TICAM1: variants seen among roughly 807,000 people sequenced by gnomAD.
The protein encoded by TICAM1 is TIR domain-containing adapter molecule 1.
For synonymous variants in TICAM1, 439 were observed against 415.4 expected (o/e 1.06, Z -0.69); for missense variants, 895 against 938.2 (o/e 0.95, Z 0.60).
In TICAM1 at chr19:4,818,050, G is replaced by C. The variant is rs2093590646; in HGVS notation, c.328C>G (p.Pro110Ala). 1 of 1,608,406 alleles carries C rather than the reference G, an allele frequency of 6.2e-7. No homozygotes were observed. The highest frequency in any genetic ancestry group is 8.5e-7 in the Non-Finnish European group (1 of 1,179,902). The change falls in exon 2 of 2, where the codon CCC becomes GCC. Residue 110 changes from proline (P) to alanine (A), a missense_variant. Coordinates refer to ENST00000248244, the MANE Select transcript of TICAM1 (RefSeq NM_182919.4). The surrounding 1 kb of genome is among the most constrained non-coding windows in gnomAD (Gnocchi z 4.0). ...YHLLAEEKLC[P>A]ASLRDVAYQE... Reference sequence around the variant, plus strand: ...TAGGCCACGTCCCGCAGCGAGGCGGGGCACAGCTTCTCCTCAGCCAGCAGG... The same window carrying C: ...TAGGCCACGTCCCGCAGCGAGGCGGCGCACAGCTTCTCCTCAGCCAGCAGG...
At chr19:4,830,393 T>C (rs1039483977) in intron 1 of TICAM1, among the ~76,000 whole-genome samples, 8 of 152,136 alleles carry the variant, frequency 5.3e-5, no homozygotes, top group African/African-American at 1.9e-4. Context: ...TCTTTTTGAA[T>C]TTTTTTGTAG....
chr19:4,830,213 G>A (rs112209868), intron 1 of TICAM1, among the ~76,000 whole-genome samples: 59 of 151,204 alleles, frequency 3.9e-4, no homozygotes, highest in African/African-American at 1.1e-3. Flanking sequence ...TCAGCCTCCC[G>A]AGTAGCTGGG....
chr19:4,824,575 C>A (rs2093602830), intron 1 of TICAM1, among the ~76,000 whole-genome samples: 1 of 150,374 alleles, frequency 6.7e-6, no homozygotes, highest in Admixed American at 6.6e-5. Context: ...CCTCAGATGA[C>A]CCACCTGCCT....
At chr19:4,826,702 C>T (rs1178905198) in intron 1 of TICAM1, among the ~76,000 whole-genome samples, 2 of 152,128 alleles carry the variant, frequency 1.3e-5, no homozygotes, top group South Asian at 2.1e-4. Context: ...AGTATGGCCC[C>T]TTTTTGACAC....
Position 4,816,853 on chromosome 19 carries a change from C to G in TICAM1, c.1525G>C (p.Gly509Arg). 6.2e-7 allele frequency: 1 copy of G among 1,612,638 alleles called. No individual in the cohort carries two copies. Among genetic ancestry groups the G allele is most frequent in the Non-Finnish European group, 8.5e-7 (1 of 1,180,028 alleles). Residue 509 changes from glycine (G) to arginine (R), a missense_variant, in exon 2 of 2, where the codon GGG becomes CGG. Coordinates refer to ENST00000248244, the MANE Select transcript of TICAM1 (RefSeq NM_182919.4). This position sits in a 1 kb window ranked among gnomAD's most constrained non-coding sequence, Gnocchi z 4.3. ...GAGTGTTCGTCCAGCCGCACCAGCC[C>G]GGAGAGCAGGCTGGCCGTGTCGGAG... ...LSSDTASLLS[G>R]LVRLDEHSQI... is the part of the protein sequence containing the mutation.
In TICAM1 at chr19:4,818,473, A is replaced by C. The variant is rs2093591857; in HGVS notation, c.-96T>G. On this transcript the variant is annotated 5_prime_UTR_variant, in exon 2 of 2. Coordinates refer to ENST00000248244, the MANE Select transcript of TICAM1 (RefSeq NM_182919.4). The surrounding 1 kb of genome is among the most constrained non-coding windows in gnomAD (Gnocchi z 4.0). ...GCCTTCTGCACGCCCAGTGTCCCCT[A>C]CCCATTCACTGTTCCAGGTTCTGCA... The C allele has an allele frequency of 6.9e-7, 1 of 1,456,164 alleles. No individual in the cohort carries two copies. Among genetic ancestry groups the C allele is most frequent in the Admixed American group, 2.8e-5 (1 of 35,420 alleles). 90.2% of individuals were successfully genotyped at this position (1,456,164 alleles called of 1,614,324 possible).
chr19:4,823,708 G>C (rs748562661), intron 1 of TICAM1, among the ~76,000 whole-genome samples: 16 of 152,116 alleles, frequency 1.1e-4, no homozygotes, highest in Non-Finnish European at 1.8e-4. Flanking sequence ...GATGTGAGGA[G>C]ACCCAGGGAG....
At chr19:4,825,436 C>T (rs958707671) in intron 1 of TICAM1, among the ~76,000 whole-genome samples, 1 of 152,036 alleles carries the variant, frequency 6.6e-6, no homozygotes, top group Non-Finnish European at 1.5e-5. Context: ...GACTGGGTCT[C>T]CCCATGTTGC....
Position 4,815,992 on chromosome 19 carries a change from C to T in TICAM1, c.*247G>A, listed in dbSNP as rs565256858. On this transcript the variant is annotated 3_prime_UTR_variant, in exon 2 of 2. Coordinates refer to ENST00000248244, the MANE Select transcript of TICAM1 (RefSeq NM_182919.4). ...GTAGCAATACCCCCACCACCAAGAC[C>T]CTTCACCCAGAAATAGAGAGATTGG... 1.9e-5 allele frequency: 8 copies of T among 416,626 alleles called. No homozygotes were observed. The South Asian group carries it at 6.5e-4, about 34-fold the overall frequency. The allele number at this position is 416,626 out of a possible 1,614,324, so 25.8% of individuals were successfully genotyped here. A position where few individuals can be genotyped will look rare whatever the true frequency, so the allele number is the denominator to read the frequency against.
intron 1 of TICAM1, among the ~76,000 whole-genome samples, chr19:4,826,571 AG>A (rs2093605766): frequency 6.6e-6 from 1 of 152,078 alleles, no homozygotes; most frequent in Admixed American, 6.6e-5. Flanking sequence ...GTGATCTGCC[AG>A]CCTCGGCCTC....
chr19:4,824,889 C>T (rs937272020), intron 1 of TICAM1, among the ~76,000 whole-genome samples: 7 of 151,794 alleles, frequency 4.6e-5, no homozygotes, highest in African/African-American at 1.7e-4. Flanking sequence ...GCAGAGATCA[C>T]ACCACTGCAC....
chr19:4,820,026 C>A (rs967446196), intron 1 of TICAM1, among the ~76,000 whole-genome samples: 1 of 152,144 alleles, frequency 6.6e-6, no homozygotes, highest in African/African-American at 2.4e-5. Flanking sequence ...CACATCCACT[C>A]ATTTTTCAAG....
intron 1 of TICAM1, among the ~76,000 whole-genome samples, chr19:4,828,118 T>G (rs1336388909): frequency 6.9e-6 from 1 of 144,844 alleles, no homozygotes; most frequent in Non-Finnish European, 1.5e-5. Flanking sequence ...CTTTTTTGTT[T>G]TTTTTATTTT....
At chr19:4,827,077 G>A (rs1259948035) in intron 1 of TICAM1, among the ~76,000 whole-genome samples, 8 of 151,818 alleles carry the variant, frequency 5.3e-5, no homozygotes, top group South Asian at 2.1e-4. Flanking sequence ...ACGGCCGGGC[G>A]CAGTGGCTCA....
chr19:4,823,219 C>A (rs1319740063), intron 1 of TICAM1, among the ~76,000 whole-genome samples: 1 of 151,950 alleles, frequency 6.6e-6, no homozygotes, highest in African/African-American at 2.4e-5. Context: ...AATCCCAGCA[C>A]TTTGGGAGGC....
chr19:4,820,877 C>G (rs978168953), intron 1 of TICAM1, among the ~76,000 whole-genome samples: 6 of 151,232 alleles, frequency 4.0e-5, no homozygotes, highest in African/African-American at 1.5e-4. Context: ...GAACAAGACT[C>G]CATCAAAAAA....
rs372415026 is a variant in TICAM1 at position 4,818,129 on chromosome 19, G to A, written c.249C>T (p.Thr83=). The A allele has an allele frequency of 1.2e-5, 19 of 1,608,810 alleles. No individual in the cohort carries two copies. Among genetic ancestry groups the A allele is most frequent in the Non-Finnish European group, 1.4e-5 (16 of 1,179,712 alleles). The part of the protein sequence containing the change: ...VARQWAGVDS[T]EDPEEPPDVS... Reference sequence around the variant, plus strand: ...CATCTGGGGGCTCCTCTGGGTCCTCGGTGCTGTCCACGCCAGCCCACTGGC... The same window carrying A: ...CATCTGGGGGCTCCTCTGGGTCCTCAGTGCTGTCCACGCCAGCCCACTGGC... The change falls in exon 2 of 2, where the codon ACC becomes ACT. Residue 83 remains threonine (T), a synonymous_variant. Coordinates refer to ENST00000248244, the MANE Select transcript of TICAM1 (RefSeq NM_182919.4). The surrounding 1 kb of genome is among the most constrained non-coding windows in gnomAD (Gnocchi z 4.0).
At chr19:4,823,710 C>A (rs548597713) in intron 1 of TICAM1, among the ~76,000 whole-genome samples, 1 of 152,180 alleles carries the variant, frequency 6.6e-6, no homozygotes, top group East Asian at 1.9e-4. Context: ...TGTGAGGAGA[C>A]CCAGGGAGAA....
intron 1 of TICAM1, among the ~76,000 whole-genome samples, chr19:4,828,326 C>T (rs935771157): frequency 4.0e-5 from 6 of 151,764 alleles, no homozygotes; most frequent in Non-Finnish European, 7.4e-5. Flanking sequence ...CCTCAACCTC[C>T]TGGGATTAAG....
Sources: allele counts gnomAD v4.1 joint callset (sites outside exome capture counted in the v4.1 genomes callset), GRCh38; gene constraint gnomAD v4.1.1; non-coding constraint Gnocchi (gnomAD v3.1); transcripts MANE v1.5; gene names NCBI Gene and HGNC (gene_info 2026-07-23, HGNC 2026-07-21).